NCKAP5: variants seen among roughly 807,000 people sequenced by gnomAD.
The protein encoded by NCKAP5 is NCK associated protein 5.
A neutral mutation model predicts 167.0 loss-of-function variants in NCKAP5; 92 were observed. That is an observed-to-expected ratio of 0.55 (90% CI 0.47 to 0.66). The LOEUF (loss-of-function observed/expected upper bound fraction) is 0.66. NCKAP5 is among the 30% of genes least tolerant of loss of function. NCKAP5 has a pLI of 0.00. For synonymous variants in NCKAP5, 891 were observed against 877.4 expected, an observed-to-expected ratio of 1.02 and a Z score of -0.27; for missense variants, 2,378 against 2,315.0, an observed-to-expected ratio of 1.03 and a Z score of -0.56.
chr2:133,370,782 T>G (rs1048792663), intron 3 of NCKAP5, among the ~76,000 whole-genome samples: 1 of 152,058 alleles, frequency 6.6e-6, no homozygotes, highest in Non-Finnish European at 1.5e-5. Flanking sequence ...TTTTTTCTTT[T>G]TTTCCCCCAA....
intron 7 of NCKAP5, among the ~76,000 whole-genome samples, chr2:132,989,611 C>A (rs1339350782): frequency 1.3e-5 from 2 of 152,072 alleles, no homozygotes; most frequent in African/African-American, 4.8e-5. Context: ...GAATGAGAAT[C>A]GAACATTTTA....
At chr2:133,290,859 T>G (rs546085491) in intron 4 of NCKAP5, among the ~76,000 whole-genome samples, 1 of 148,136 alleles carries the variant, frequency 6.8e-6, no homozygotes, top group African/African-American at 2.5e-5. Context: ...ACTCAAACCA[T>G]ACTCCCACCT....
At position 132,785,203 on chromosome 2, in the gene NCKAP5, C is replaced by G. The variant is rs750433125; in HGVS notation, c.1608G>C (p.Lys536Asn). The G allele has an allele frequency of 6.4e-7, 1 of 1,572,964 alleles. No homozygotes were observed. The highest frequency in any genetic ancestry group is 8.6e-7 in the Non-Finnish European group (1 of 1,162,050). ...SSVYPKERPE[K>N]LTSCASSCPL... ...GACAGCTGCTGGCGCAACTTGTCAG[C>G]TTTTCAGGCCTTTCCTTGGGATAAA... is the stretch of plus-strand genomic sequence containing the variant. The change falls in exon 14 of 20, where the codon AAG becomes AAC. Residue 536 changes from lysine (K) to asparagine (N), a missense_variant. Physicochemically the swap from Lys to Asn is moderately conservative, Grantham distance 94. Transcript: ENST00000409261.
chr2:132,835,239 A>G (rs1558837332), intron 11 of NCKAP5, among the ~76,000 whole-genome samples: 1 of 152,120 alleles, frequency 6.6e-6, no homozygotes, highest in East Asian at 1.9e-4. Context: ...GGATTTTTGC[A>G]TCTATATTCA....
chr2:133,336,321 A>G (rs1468808915), intron 3 of NCKAP5, among the ~76,000 whole-genome samples: 1 of 152,150 alleles, frequency 6.6e-6, no homozygotes, highest in Admixed American at 6.5e-5. Flanking sequence ...GTGATCGCAC[A>G]CCAAGTAAGC....
At chr2:132,888,124 T>G (rs534925078) in intron 8 of NCKAP5, among the ~76,000 whole-genome samples, 1 of 152,336 alleles carries the variant, frequency 6.6e-6, no homozygotes, top group Admixed American at 6.5e-5. Context: ...GAGTGAGATG[T>G]AAATTAGTGT....
At chr2:132,846,313 A>AT (rs1184582771) in intron 11 of NCKAP5, among the ~76,000 whole-genome samples, 1 of 151,922 alleles carries the variant, frequency 6.6e-6, no homozygotes. Context: ...TCTTCATATT[A>AT]TTTCATGGTG....
At chr2:133,231,962 G>T (rs78462593) in intron 4 of NCKAP5, among the ~76,000 whole-genome samples, 1 of 152,108 alleles carries the variant, frequency 6.6e-6, no homozygotes, top group Non-Finnish European at 1.5e-5. Flanking sequence ...AAATCACTTC[G>T]CATGTAACTA....
At chr2:133,599,784 G>T in the NCKAP5 span, among the ~76,000 whole-genome samples, 1 of 152,190 alleles carries the variant, frequency 6.6e-6, no homozygotes, top group Admixed American at 6.5e-5. Context: ...CATGAGGAGC[G>T]CCTGCACATG....
intron 4 of NCKAP5, among the ~76,000 whole-genome samples, chr2:133,235,515 C>T (rs1159339536): frequency 2.6e-5 from 4 of 151,730 alleles, no homozygotes; most frequent in African/African-American, 4.8e-5. Flanking sequence ...GGCGGTGGAT[C>T]GCTTTGAGCT....
intron 3 of NCKAP5, among the ~76,000 whole-genome samples, chr2:133,406,600 G>A (rs533598558): frequency 3.9e-4 from 58 of 150,582 alleles, no homozygotes; most frequent in Non-Finnish European, 7.7e-4. Context: ...AAGGGAGGGA[G>A]GGAGGGAGGG....
the NCKAP5 span, among the ~76,000 whole-genome samples, chr2:133,656,415 A>G: frequency 6.6e-6 from 1 of 152,224 alleles, no homozygotes. Flanking sequence ...GTAAGTATTA[A>G]CGGAATCCTG....
chr2:133,598,217 G>A, the NCKAP5 span, among the ~76,000 whole-genome samples: 14 of 152,280 alleles, frequency 9.2e-5, no homozygotes, highest in South Asian at 2.1e-4. Flanking sequence ...TGCAAAGAAC[G>A]TGAGCAATGC....
intron 19 of NCKAP5, among the ~76,000 whole-genome samples, chr2:132,682,858 A>G (rs1285818059): frequency 2.0e-5 from 3 of 151,132 alleles, no homozygotes; most frequent in East Asian, 3.9e-4. Context: ...TGAAATTGAC[A>G]TGTTTAAATC....
chr2:133,639,076 C>A, the NCKAP5 span, among the ~76,000 whole-genome samples: 1 of 152,100 alleles, frequency 6.6e-6, no homozygotes, highest in Admixed American at 6.6e-5. Flanking sequence ...TAAGACACAG[C>A]ATGATCAATC....
intron 5 of NCKAP5, among the ~76,000 whole-genome samples, chr2:133,201,676 T>C (rs2085694809): frequency 6.6e-6 from 1 of 152,122 alleles, no homozygotes; most frequent in African/African-American, 2.4e-5. Flanking sequence ...AATGAAGACA[T>C]GCATTTCACC....
intron 3 of NCKAP5, among the ~76,000 whole-genome samples, chr2:133,446,785 G>T (rs1691221712): frequency 6.6e-6 from 1 of 152,140 alleles, no homozygotes; most frequent in Admixed American, 6.5e-5. Flanking sequence ...TGGAGGAGAT[G>T]AGACAACCAT....
chr2:133,404,962 T>C (rs983250344), intron 3 of NCKAP5, among the ~76,000 whole-genome samples: 2 of 152,196 alleles, frequency 1.3e-5, no homozygotes, highest in African/African-American at 2.4e-5. Flanking sequence ...TTGCCTCTCT[T>C]CCAATCTCAG....
intron 3 of NCKAP5, among the ~76,000 whole-genome samples, chr2:133,443,203 C>T (rs891309356): frequency 6.6e-6 from 1 of 152,204 alleles, no homozygotes; most frequent in African/African-American, 2.4e-5. Flanking sequence ...CTCTCGCTGT[C>T]TCCTTGCCCT....
Sources: allele counts gnomAD v4.1 joint callset (sites outside exome capture counted in the v4.1 genomes callset), GRCh38; gene constraint gnomAD v4.1.1; transcripts MANE v1.5; gene names NCBI Gene and HGNC (gene_info 2026-07-23, HGNC 2026-07-21).